The following TNRC6B variants were observed in gnomAD, a reference collection of about 807,000 sequenced individuals.
The protein encoded by TNRC6B is trinucleotide repeat-containing gene 6B protein.
In TNRC6B, 52 loss-of-function variants were observed where a neutral mutation model predicts 203.6. That is an observed-to-expected ratio of 0.26 (90% confidence interval 0.20 to 0.32). The LOEUF (loss-of-function observed/expected upper bound fraction) is 0.32, where lower values mean the gene tolerates loss of function less well. Ranked by LOEUF, TNRC6B falls within the 10% of genes least tolerant of loss-of-function variation. TNRC6B has a pLI of 1.00. For missense variants in TNRC6B, 1,923 were observed against 2,286.2 expected (o/e 0.84, Z 3.24); for synonymous variants, 838 against 845.7 (o/e 0.99, Z 0.16).
intron 4 of TNRC6B, among the ~76,000 whole-genome samples, chr22:40,262,767 C>T (rs563815509): frequency 2.6e-5 from 4 of 152,196 alleles, no homozygotes; most frequent in African/African-American, 7.2e-5. Flanking sequence ...TGGCCGGGCA[C>T]GGTGGCTCAC....
chr22:40,204,673 T>C (rs1000427041), intron 1 of TNRC6B, among the ~76,000 whole-genome samples: 1 of 152,220 alleles, frequency 6.6e-6, no homozygotes, highest in Non-Finnish European at 1.5e-5. Context: ...CCTGGCCTCC[T>C]TGATGCTCTT....
At chr22:40,247,292 T>A (rs1411400281) in intron 2 of TNRC6B, among the ~76,000 whole-genome samples, 2 of 152,200 alleles carry the variant, frequency 1.3e-5, no homozygotes, top group Non-Finnish European at 2.9e-5. Flanking sequence ...TAATTGAAGC[T>A]AAGTTTAGGG....
chr22:40,309,845 A>C (rs2071149144), intron 16 of TNRC6B, among the ~76,000 whole-genome samples: 1 of 152,158 alleles, frequency 6.6e-6, no homozygotes, highest in Non-Finnish European at 1.5e-5. Context: ...CAGATTTGTC[A>C]GTGGCTCCAG....
chr22:40,232,601 A>G (rs1411384911), intron 1 of TNRC6B, among the ~76,000 whole-genome samples: 1 of 152,236 alleles, frequency 6.6e-6, no homozygotes, highest in Non-Finnish European at 1.5e-5. Flanking sequence ...TATGTAAAGC[A>G]TGAGACAAAT....
At chr22:40,055,737 T>C (rs2067789142) in intron 1 of TNRC6B, among the ~76,000 whole-genome samples, 1 of 152,186 alleles carries the variant, frequency 6.6e-6, no homozygotes, top group Non-Finnish European at 1.5e-5. Flanking sequence ...TTTAAGCTTA[T>C]CTGTAGGAGC....
At chr22:40,146,779 G>C (rs1279569341) in intron 3 of TNRC6B, among the ~76,000 whole-genome samples, 1 of 151,792 alleles carries the variant, frequency 6.6e-6, no homozygotes, top group East Asian at 1.9e-4. Flanking sequence ...TGGCTAGGCT[G>C]GCCTTGAACT....
chr22:40,301,568 A>C (rs1209865191), intron 15 of TNRC6B: 1 of 542,440 alleles, frequency 1.8e-6, no homozygotes, highest in East Asian at 3.1e-5. Flanking sequence ...CTGGCTCCAA[A>C]GCAGTCTTCC....
At chr22:40,067,184 ACT>A (rs1029056281) in intron 1 of TNRC6B, among the ~76,000 whole-genome samples, 5 of 151,944 alleles carry the variant, frequency 3.3e-5, no homozygotes, top group Non-Finnish European at 5.9e-5. Flanking sequence ...AACTGATATC[ACT>A]CTGTCAAAAA....
At chr22:40,118,402 T>C (rs531861801) in intron 2 of TNRC6B, among the ~76,000 whole-genome samples, 5 of 152,308 alleles carry the variant, frequency 3.3e-5, no homozygotes, top group South Asian at 2.1e-4. Flanking sequence ...GATGAAAATA[T>C]CAGGATTAGA....
intron 13 of TNRC6B, 161 bp from the exon 14 acceptor site, chr22:40,300,749 C>G (rs371352993): frequency 1.9e-5 from 23 of 1,234,772 alleles, no homozygotes; most frequent in Middle Eastern, 3.9e-4. Context: ...GTCAGCTCAA[C>G]TGGAGGAAAA....
At chr22:40,099,785 C>G (rs553632452) in intron 1 of TNRC6B, among the ~76,000 whole-genome samples, 22 of 152,192 alleles carry the variant, frequency 1.4e-4, no homozygotes, top group Non-Finnish European at 2.8e-4. Context: ...GAGTCTCGCT[C>G]TGCTGCCCAG....
intron 1 of TNRC6B, among the ~76,000 whole-genome samples, chr22:40,086,681 A>G (rs945696778): frequency 1.3e-5 from 2 of 152,178 alleles, no homozygotes; most frequent in African/African-American, 4.8e-5. Context: ...GTCTTCTTTC[A>G]CCTTGAATTT....
intron 1 of TNRC6B, among the ~76,000 whole-genome samples, chr22:40,084,903 G>A (rs1209179358): frequency 6.6e-6 from 1 of 152,168 alleles, no homozygotes; most frequent in Non-Finnish European, 1.5e-5. Flanking sequence ...TGGCCCAGTG[G>A]TCCTTGCCTC....
intron 1 of TNRC6B, among the ~76,000 whole-genome samples, chr22:40,110,087 GT>G (rs1294211195): frequency 6.6e-6 from 1 of 152,056 alleles, no homozygotes; most frequent in Non-Finnish European, 1.5e-5. Flanking sequence ...AAGAACAAAG[GT>G]TTTTCTTTAA....
At chr22:40,145,180 AGG>A (rs2068682361) in intron 3 of TNRC6B, among the ~76,000 whole-genome samples, 2 of 152,088 alleles carry the variant, frequency 1.3e-5, no homozygotes, top group South Asian at 4.2e-4. Flanking sequence ...CGGGATGTCA[AGG>A]CTTCAGTGAG....
intron 5 of TNRC6B, among the ~76,000 whole-genome samples, chr22:40,268,912 C>CAAAAAAAA (rs1045950958): frequency 2.0e-5 from 3 of 148,996 alleles, no homozygotes; most frequent in African/African-American, 5.0e-5. Context: ...GACTCCGTCT[C>CAAAAAAAA]AAAAAATAAT....
At chr22:40,279,052 A>G (rs2070690613) in intron 9 of TNRC6B, among the ~76,000 whole-genome samples, 1 of 152,100 alleles carries the variant, frequency 6.6e-6, no homozygotes, top group Non-Finnish European at 1.5e-5. Context: ...TGATTTTTAT[A>G]TGTCAGAACT....
chr22:40,167,554 T>G (rs2068930377), intron 4 of TNRC6B, among the ~76,000 whole-genome samples: 2 of 152,010 alleles, frequency 1.3e-5, no homozygotes, highest in Admixed American at 1.3e-4. Context: ...CACTTAAAAA[T>G]GGTTAAGATG....
intron 1 of TNRC6B, among the ~76,000 whole-genome samples, chr22:40,051,320 C>T (rs1036180984): frequency 6.6e-6 from 1 of 152,202 alleles, no homozygotes; most frequent in African/African-American, 2.4e-5. Context: ...GTGCTAAGCT[C>T]ACTAAGTCCC....
Sources: gnomAD v4.1 joint callset for allele counts (sites outside exome capture counted in the v4.1 genomes callset) on GRCh38, gnomAD v4.1.1 for gene constraint, MANE v1.5 for transcripts, NCBI Gene and HGNC (gene_info 2026-07-23, HGNC 2026-07-21) for gene names.